Variants in PRELID2 observed in about 807,000 individuals in gnomAD.
The protein encoded by PRELID2 is PRELI domain-containing protein 2.
PRELID2 carries 25 observed loss-of-function variants against 28.4 expected under a neutral mutation model. The ratio of observed to expected loss-of-function variants is 0.88; its 90% CI spans 0.64 to 1.23. The LOEUF (loss-of-function observed/expected upper bound fraction) is 1.23, where lower values mean the gene tolerates loss of function less well. Among genes scored for constraint, PRELID2 ranks in the 50% most tolerant of loss-of-function variants. The pLI, the probability that PRELID2 is intolerant of heterozygous loss-of-function variation, is 0.00. For missense variants in PRELID2, 201 were observed against 214.4 expected (o/e 0.94, Z 0.39); for synonymous variants, 76 against 71.6 (o/e 1.06, Z -0.31).
At chr5:145,613,576 G>A (rs912415071) in intron 1 of PRELID2, among the ~76,000 whole-genome samples, 15 of 151,518 alleles carry the variant, frequency 9.9e-5, no homozygotes, top group East Asian at 3.9e-4. Context: ...AACAAACACC[G>A]CATGTTCTCA....
At chr5:145,771,335 G>A (rs1758092515) in intron 5 of PRELID2, among the ~76,000 whole-genome samples, 1 of 151,974 alleles carries the variant, frequency 6.6e-6, no homozygotes, top group Non-Finnish European at 1.5e-5. Context: ...TGCACTCTAT[G>A]AGGTTTGTAC....
At chr5:145,606,929 G>A (rs1352731122) in intron 1 of PRELID2, among the ~76,000 whole-genome samples, 1 of 151,984 alleles carries the variant, frequency 6.6e-6, no homozygotes, top group Non-Finnish European at 1.5e-5. Context: ...GAACTCATTA[G>A]TGGCTTTTCA....
intron 1 of PRELID2, among the ~76,000 whole-genome samples, chr5:145,656,303 C>G (rs983460689): frequency 5.3e-5 from 8 of 152,146 alleles, no homozygotes; most frequent in Middle Eastern, 3.4e-3. Flanking sequence ...CACTGTTGGT[C>G]GGACTGTAAA....
intron 5 of PRELID2, among the ~76,000 whole-genome samples, chr5:145,778,396 G>T (rs1197975691): frequency 6.6e-6 from 1 of 152,134 alleles, no homozygotes; most frequent in South Asian, 2.1e-4. Flanking sequence ...GGACACCCTG[G>T]ATGTGGAAAG....
intron 1 of PRELID2, among the ~76,000 whole-genome samples, chr5:145,571,006 T>G (rs370963933): frequency 6.6e-6 from 1 of 152,230 alleles, no homozygotes; most frequent in Non-Finnish European, 1.5e-5. Context: ...TTAATAAATG[T>G]CTGCTGAATG....
chr5:145,256,935 G>A, the PRELID2 span, among the ~76,000 whole-genome samples: 2 of 151,438 alleles, frequency 1.3e-5, no homozygotes, highest in Non-Finnish European at 2.9e-5. Flanking sequence ...TTTAGAAAAA[G>A]CAACTTAAGA....
At chr5:145,330,764 T>C in the PRELID2 span, among the ~76,000 whole-genome samples, 1 of 152,182 alleles carries the variant, frequency 6.6e-6, no homozygotes, top group Non-Finnish European at 1.5e-5. Flanking sequence ...TTTTCGTACC[T>C]CTATCTCCTT....
chr5:145,716,752 T>C (rs948623627), intron 1 of PRELID2, among the ~76,000 whole-genome samples: 2 of 152,210 alleles, frequency 1.3e-5, no homozygotes, highest in Non-Finnish European at 2.9e-5. Flanking sequence ...TTTTGTAATA[T>C]TAATAACAGC....
the PRELID2 span, among the ~76,000 whole-genome samples, chr5:145,235,559 G>T: frequency 6.6e-6 from 1 of 152,124 alleles, no homozygotes; most frequent in South Asian, 2.1e-4. Flanking sequence ...TAGGATTAAT[G>T]AGAACAATGT....
At chr5:145,305,463 A>T in the PRELID2 span, among the ~76,000 whole-genome samples, 11 of 152,138 alleles carry the variant, frequency 7.2e-5, no homozygotes, top group Non-Finnish European at 1.3e-4. Context: ...CCACAGAAGG[A>T]AAAAGAGACT....
intron 1 of PRELID2, among the ~76,000 whole-genome samples, chr5:145,697,569 T>C (rs2149700506): frequency 6.6e-6 from 1 of 152,236 alleles, no homozygotes. Flanking sequence ...AGAGTAGAGG[T>C]CAGTAGTGAC....
At chr5:145,404,773 G>A in the PRELID2 span, among the ~76,000 whole-genome samples, 1 of 152,216 alleles carries the variant, frequency 6.6e-6, no homozygotes, top group Non-Finnish European at 1.5e-5. Flanking sequence ...CTATGGTCCA[G>A]TTTAAAGTGA....
intron 1 of PRELID2, among the ~76,000 whole-genome samples, chr5:145,680,235 T>G (rs1356236977): frequency 6.6e-6 from 1 of 152,196 alleles, no homozygotes; most frequent in African/African-American, 2.4e-5. Context: ...TGATTCTGCT[T>G]CTTAACCAAA....
In PRELID2 at chr5:145,591,935, C is replaced by A. The variant is rs143165886; in HGVS notation, n.71-118620G>T. ...TATCGTCTAAACCTACTATGTCAGTCTCACTGCTTCATGTACATTCTTCAC... is the reference window on the plus strand; with the variant it reads ...TATCGTCTAAACCTACTATGTCAGTATCACTGCTTCATGTACATTCTTCAC... On this transcript the variant is annotated intron_variant and non_coding_transcript_variant, in intron 1 of 2. Coordinates refer to the PRELID2 transcript ENST00000510259. Among the ~76,000 whole-genome samples, 12 of 152,314 alleles carry A rather than the reference C, an allele frequency of 7.9e-5. No homozygotes were observed. In the East Asian group the frequency reaches 2.1e-3, roughly 27 times the overall value.
the PRELID2 span, among the ~76,000 whole-genome samples, chr5:145,431,054 T>G: frequency 4.7e-5 from 7 of 149,502 alleles, no homozygotes; most frequent in African/African-American, 1.7e-4. Flanking sequence ...TATAACATTT[T>G]GTCAGAGTTG....
At chr5:145,438,169 C>A in the PRELID2 span, among the ~76,000 whole-genome samples, 5 of 152,068 alleles carry the variant, frequency 3.3e-5, no homozygotes, top group African/African-American at 1.2e-4. Context: ...CATTTAAATA[C>A]AATGATAGAT....
At chr5:145,487,958 A>G (rs985744166) in intron 1 of PRELID2, among the ~76,000 whole-genome samples, 1 of 151,702 alleles carries the variant, frequency 6.6e-6, no homozygotes, top group African/African-American at 2.4e-5. Flanking sequence ...ACTCATCTCT[A>G]CTAAAAATAC....
intron 5 of PRELID2, among the ~76,000 whole-genome samples, chr5:145,771,933 G>A (rs186427548): frequency 7.9e-5 from 12 of 152,178 alleles, no homozygotes; most frequent in East Asian, 1.9e-4. Context: ...AGGAAAGGGC[G>A]AAGGGATCTA....
At chr5:145,699,299 C>G (rs191396453) in intron 1 of PRELID2, among the ~76,000 whole-genome samples, 4 of 151,986 alleles carry the variant, frequency 2.6e-5, no homozygotes, top group Admixed American at 6.6e-5. Flanking sequence ...CATGTCAGAA[C>G]GCTGAGGATT....
Sources: gnomAD v4.1 joint callset for allele counts (sites outside exome capture counted in the v4.1 genomes callset) on GRCh38, gnomAD v4.1.1 for gene constraint, MANE v1.5 for transcripts, NCBI Gene and HGNC (gene_info 2026-07-23, HGNC 2026-07-21) for gene names.